N4BP1: variants seen among roughly 807,000 people sequenced by gnomAD.
N4BP1 encodes NEDD4-binding protein 1.
In N4BP1, 21 loss-of-function variants were observed where a neutral mutation model predicts 70.9. The ratio of observed to expected loss-of-function variants is 0.30; its 90% CI spans 0.21 to 0.43. N4BP1 has a LOEUF of 0.43. Ranked by LOEUF, N4BP1 falls within the 20% of genes least tolerant of loss-of-function variation. The pLI, the probability that N4BP1 is intolerant of heterozygous loss-of-function variation, is 1.00. For missense variants in N4BP1, 936 were observed against 1,069.4 expected, an observed-to-expected ratio of 0.88 and a Z score of 1.74; for synonymous variants, 387 against 394.6, an observed-to-expected ratio of 0.98 and a Z score of 0.23.
At chr16:48,574,589 T>G (rs1964066143) in intron 1 of N4BP1, among the ~76,000 whole-genome samples, 1 of 152,132 alleles carries the variant, frequency 6.6e-6, no homozygotes, top group Admixed American at 6.5e-5. Flanking sequence ...GAAAGACCAG[T>G]GAACAACCTT....
At chr16:48,558,047 C>A (rs1039868210) in intron 2 of N4BP1, among the ~76,000 whole-genome samples, 4 of 152,138 alleles carry the variant, frequency 2.6e-5, no homozygotes, top group African/African-American at 9.7e-5. Context: ...CAATGCCGTG[C>A]AACCACCACT....
chr16:48,592,643 A>G (rs1964355152), intron 1 of N4BP1, among the ~76,000 whole-genome samples: 1 of 152,274 alleles, frequency 6.6e-6, no homozygotes, highest in Admixed American at 6.5e-5. Context: ...CTAATGAGCT[A>G]GTTTAGTTCA....
In N4BP1 at chr16:48,545,887, C is replaced by G. The variant is rs534899951; in HGVS notation, c.2333+260G>C. Among the ~76,000 whole-genome samples the G allele has an allele frequency of 4.6e-5, 7 of 151,978 alleles. No individual in the cohort carries two copies. The South Asian group carries it at 1.5e-3, about 32-fold the overall frequency. On this transcript the variant is annotated intron_variant, in intron 6 of 6. Transcript: ENST00000262384. ...CTAAAAATACAAAAAAAGAGCTGGG[C>G]ATGGTGGTATGCGCCTGTGGTCCCA...
At chr16:48,550,145 T>C (rs1416627824) in intron 4 of N4BP1, among the ~76,000 whole-genome samples, 1 of 152,218 alleles carries the variant, frequency 6.6e-6, no homozygotes, top group Non-Finnish European at 1.5e-5. Context: ...AGAAGGTGCA[T>C]CTGAATCATG....
At chr16:48,600,023 C>T (rs188888468) in intron 1 of N4BP1, among the ~76,000 whole-genome samples, 82 of 152,288 alleles carry the variant, frequency 5.4e-4, no homozygotes, top group African/African-American at 1.8e-3. Context: ...CTTCATTAAC[C>T]TACCTATTAT....
chr16:48,585,595 G>C (rs946688440), intron 1 of N4BP1, among the ~76,000 whole-genome samples: 3 of 150,866 alleles, frequency 2.0e-5, no homozygotes, highest in Non-Finnish European at 2.9e-5. Flanking sequence ...CTGGAGTGCA[G>C]TGGTGTGATC....
At chr16:48,557,551 A>T (rs547650897) in intron 2 of N4BP1, among the ~76,000 whole-genome samples, 1 of 152,338 alleles carries the variant, frequency 6.6e-6, no homozygotes, top group Non-Finnish European at 1.5e-5. Context: ...TTAAAATCTC[A>T]AATATTTGTT....
At chr16:48,579,526 T>C (rs1351154299) in intron 1 of N4BP1, among the ~76,000 whole-genome samples, 3 of 152,224 alleles carry the variant, frequency 2.0e-5, no homozygotes, top group Non-Finnish European at 4.4e-5. Flanking sequence ...TGTAGATTTC[T>C]GTCCAGTAGA....
At chr16:48,543,836 T>A (rs1963549040) in intron 6 of N4BP1, among the ~76,000 whole-genome samples, 1 of 151,940 alleles carries the variant, frequency 6.6e-6, no homozygotes, top group African/African-American at 2.4e-5. Context: ...CTAGCTGAAG[T>A]TTCCCCAACT....
At chr16:48,571,722 T>C (rs1430814891) in intron 1 of N4BP1, among the ~76,000 whole-genome samples, 4 of 151,738 alleles carry the variant, frequency 2.6e-5, no homozygotes, top group Non-Finnish European at 4.4e-5. Flanking sequence ...TAAGAATCAA[T>C]AGAAAAACTG....
Position 48,561,555 on chromosome 16 carries a change from A to C in N4BP1, c.1088T>G (p.Ile363Ser), listed in dbSNP as rs1350464100. ...FFKTMGYSQE[I>S]VEKVIKVYGP... The stretch of plus-strand genomic sequence containing the variant: ...ATACACCTTAATGACCTTTTCAACA[A>C]TTTCTTGGGAGTAGCCCATGGTTTT... Residue 363 changes from isoleucine to serine, a missense_variant, in exon 2 of 7, where the codon ATT becomes AGT. By Grantham distance (142) the Ile-to-Ser change is moderately radical (BLOSUM62 -2). Around this residue, in one of 4 missense-constraint regions of N4BP1, gnomAD observed 515 missense variants for 491.7 expected, o/e 1.05. Transcript: ENST00000262384. 4 of 1,613,754 alleles carry C rather than the reference A, an allele frequency of 2.5e-6. No individual in the cohort carries two copies. The African/African-American group carries it at 5.3e-5, about 22-fold the overall frequency.
intron 1 of N4BP1, among the ~76,000 whole-genome samples, chr16:48,579,186 A>G (rs1347296482): frequency 1.3e-5 from 2 of 152,216 alleles, no homozygotes; most frequent in African/African-American, 4.8e-5. Context: ...CTAATCAATA[A>G]ATGTCTAACA....
chr16:48,563,062 A>G (rs746801606), intron 1 of N4BP1, among the ~76,000 whole-genome samples: 3 of 152,182 alleles, frequency 2.0e-5, no homozygotes, highest in Non-Finnish European at 4.4e-5. Context: ...AGACTGTTAA[A>G]TTAAATGCAG....
At chr16:48,568,771 T>C (rs1393051507) in intron 1 of N4BP1, among the ~76,000 whole-genome samples, 1 of 146,124 alleles carries the variant, frequency 6.8e-6, no homozygotes, top group African/African-American at 2.8e-5. Flanking sequence ...ATTTGAATTG[T>C]TGTTCCTCCA....
Position 48,561,618 on chromosome 16 carries a change from G to A in N4BP1, c.1025C>T (p.Thr342Ile), listed in dbSNP as rs770235366. ...GAGGATGTTGTATTCCATTTCCTCA[G>A]TAGTTTCTTTTATATCTGGACTTAA... is the stretch of plus-strand genomic sequence containing the variant. ...ENLSPDIKET[T>I]EEMEYNILVN... Residue 342 changes from threonine to isoleucine, a missense_variant, in exon 2 of 7, where the codon ACT (threonine) becomes ATT (isoleucine). Physicochemically the swap from Thr to Ile is moderately conservative, Grantham distance 89 (BLOSUM62 -1). This residue lies in a region of N4BP1 where 515 missense variants were observed against 491.7 expected (regional missense o/e 1.05). Coordinates refer to ENST00000262384, the MANE Select transcript of N4BP1 (RefSeq NM_153029.4). 1.2e-6 allele frequency: 2 copies of A among 1,613,328 alleles called. No individual in the cohort carries two copies. Among genetic ancestry groups the A allele is most frequent in the Non-Finnish European group, 1.7e-6 (2 of 1,179,770 alleles).
At chr16:48,589,508 C>T (rs1408075682) in intron 1 of N4BP1, among the ~76,000 whole-genome samples, 1 of 152,140 alleles carries the variant, frequency 6.6e-6, no homozygotes, top group African/African-American at 2.4e-5. Flanking sequence ...TATGGAAGCT[C>T]TAAGCCCTTT....
At chr16:48,585,870 A>AT (rs1341051788) in intron 1 of N4BP1, among the ~76,000 whole-genome samples, 2 of 151,992 alleles carry the variant, frequency 1.3e-5, no homozygotes, top group African/African-American at 2.4e-5. Context: ...TAATTTTTGT[A>AT]TTTTTAGTAG....
At position 48,548,127 on chromosome 16, in the gene N4BP1, AAG is replaced by A. The variant is rs750109938; in HGVS notation, c.2118-15_2118-14del. On this transcript the variant is annotated splice_polypyrimidine_tract_variant and intron_variant, in intron 4 of 6. Transcript: ENST00000262384. ...GTGTAGTAGAAACCTATGGTAATAT[AAG>A]AGAGTTTAAAATCAGCAACAGGCAT... 8 of 1,512,624 alleles carry A rather than the reference AAG, an allele frequency of 5.3e-6. No homozygotes were observed. The South Asian group carries it at 6.9e-5, about 13-fold the overall frequency. The allele number at this position is 1,512,624 out of a possible 1,614,324, so 93.7% of individuals were successfully genotyped here.
At position 48,560,991 on chromosome 16, in the gene N4BP1, G is replaced by A. The variant is rs532795660; in HGVS notation, c.1652C>T (p.Ser551Phe). The A allele has an allele frequency of 5.0e-6, 8 of 1,613,978 alleles. No homozygotes were observed. In the South Asian group the frequency reaches 6.6e-5, roughly 13 times the overall value. Residue 551 changes from serine (S) to phenylalanine (F), a missense_variant, in exon 2 of 7, where the codon TCT becomes TTT. Physicochemically the swap from Ser to Phe is radical, Grantham distance 155. This residue lies in a region of N4BP1 where 515 missense variants were observed against 491.7 expected (regional missense o/e 1.05). Coordinates refer to ENST00000262384, the MANE Select transcript of N4BP1 (RefSeq NM_153029.4). ...TGAGCAATTTGGCTTAGAATGAGGAGAACTACAACATCCTAAACGTTTTTC... is the reference window on the plus strand; with the variant it reads ...TGAGCAATTTGGCTTAGAATGAGGAAAACTACAACATCCTAAACGTTTTTC... ...ACEKRLGCCS[S>F]PHSKPNCSTL...
Sources: allele counts gnomAD v4.1 joint callset (sites outside exome capture counted in the v4.1 genomes callset), GRCh38; gene constraint gnomAD v4.1.1; regional missense constraint gnomAD v4.1.1; transcripts MANE v1.5; gene names NCBI Gene and HGNC (gene_info 2026-07-23, HGNC 2026-07-21).